Variants in KIAA0825 observed in about 807,000 individuals in gnomAD.
KIAA0825 encodes KIAA0825, also known as uncharacterized protein KIAA0825.
A neutral mutation model predicts 147.6 loss-of-function variants in KIAA0825; 119 were observed. That is an observed-to-expected ratio of 0.81 (90% confidence interval 0.69 to 0.94). KIAA0825 has a LOEUF of 0.94. Among genes scored for constraint, KIAA0825 ranks in the 40% least tolerant of loss-of-function variants. The pLI, the probability that KIAA0825 is intolerant of heterozygous loss-of-function variation, is 0.00. For missense variants in KIAA0825, 1,381 were observed against 1,472.7 expected (o/e 0.94, Z 1.02); for synonymous variants, 470 against 518.1 (o/e 0.91, Z 1.26).
At chr5:94,405,086 A>G (rs1385123463) in intron 15 of KIAA0825, among the ~76,000 whole-genome samples, 1 of 152,226 alleles carries the variant, frequency 6.6e-6, no homozygotes, top group Non-Finnish European at 1.5e-5. Flanking sequence ...AAAGGGGCTC[A>G]GTGAGGGTCC....
At chr5:94,487,327 T>C (rs538037053) in intron 5 of KIAA0825, among the ~76,000 whole-genome samples, 47 of 152,350 alleles carry the variant, frequency 3.1e-4, no homozygotes, top group African/African-American at 1.1e-3. Context: ...TAGCAGTCCT[T>C]ATTTCCTATT....
intron 14 of KIAA0825, among the ~76,000 whole-genome samples, chr5:94,431,108 TA>T (rs1323487302): frequency 6.6e-6 from 1 of 152,050 alleles, no homozygotes; most frequent in Non-Finnish European, 1.5e-5. Context: ...AATCAGAGGA[TA>T]AAAAATGCAT....
chr5:94,398,848 C>T (rs565170462), intron 16 of KIAA0825, among the ~76,000 whole-genome samples: 69 of 152,088 alleles, frequency 4.5e-4, no homozygotes, highest in African/African-American at 1.6e-3. Flanking sequence ...TTTTGCTGAA[C>T]AAAAATAACA....
intron 20 of KIAA0825, among the ~76,000 whole-genome samples, chr5:94,195,679 C>A (rs1771071243): frequency 6.7e-6 from 1 of 150,286 alleles, no homozygotes; most frequent in Non-Finnish European, 1.5e-5. Flanking sequence ...TTAATTTTAT[C>A]CAGTTTGAAA....
At chr5:94,365,078 C>T (rs914853017) in intron 20 of KIAA0825, among the ~76,000 whole-genome samples, 20 of 152,122 alleles carry the variant, frequency 1.3e-4, no homozygotes, top group Admixed American at 9.2e-4. Flanking sequence ...GCTATGTAAA[C>T]GTCACACCTG....
chr5:94,288,765 G>A (rs1279424031), intron 20 of KIAA0825, among the ~76,000 whole-genome samples: 2 of 152,128 alleles, frequency 1.3e-5, no homozygotes, highest in African/African-American at 4.8e-5. Flanking sequence ...GTCAAACAAC[G>A]TGCCAATTCT....
intron 20 of KIAA0825, among the ~76,000 whole-genome samples, chr5:94,196,499 T>C (rs945135614): frequency 6.6e-6 from 1 of 152,046 alleles, no homozygotes; most frequent in African/African-American, 2.4e-5. Flanking sequence ...AGAGGGTACA[T>C]GTGCAGGTTT....
chr5:94,436,733 T>C (rs1756423552), intron 14 of KIAA0825, among the ~76,000 whole-genome samples: 1 of 152,228 alleles, frequency 6.6e-6, no homozygotes, highest in African/African-American at 2.4e-5. Context: ...TTTCACAATA[T>C]TGATTCTTCC....
At chr5:94,207,468 C>G (rs905241883) in intron 20 of KIAA0825, among the ~76,000 whole-genome samples, 1 of 152,146 alleles carries the variant, frequency 6.6e-6, no homozygotes, top group Non-Finnish European at 1.5e-5. Flanking sequence ...ATGCCTACTC[C>G]TCATCAAGAG....
chr5:94,540,014 G>C (rs1772966339), intron 2 of KIAA0825, among the ~76,000 whole-genome samples: 1 of 152,094 alleles, frequency 6.6e-6, no homozygotes, highest in South Asian at 2.1e-4. Flanking sequence ...TGCTGGAAAA[G>C]ACCCCTTTGT....
At chr5:94,172,416 CAG>C (rs908226653) in intron 20 of KIAA0825, among the ~76,000 whole-genome samples, 13 of 152,208 alleles carry the variant, frequency 8.5e-5, no homozygotes, top group African/African-American at 2.2e-4. Context: ...AGATTGACTG[CAG>C]AGAGATCTCA....
intron 20 of KIAA0825, among the ~76,000 whole-genome samples, chr5:94,370,645 G>A (rs183699649): frequency 3.3e-5 from 5 of 152,184 alleles, no homozygotes; most frequent in African/African-American, 9.6e-5. Flanking sequence ...TGTGGCTGAA[G>A]CCTGTAATCC....
intron 20 of KIAA0825, among the ~76,000 whole-genome samples, chr5:94,166,474 A>G (rs1415208871): frequency 4.7e-5 from 7 of 148,656 alleles, no homozygotes; most frequent in Non-Finnish European, 1.0e-4. Flanking sequence ...GGGTAGCCTT[A>G]GGAAATAATT....
chr5:94,282,883 A>T (rs969201952), intron 20 of KIAA0825, among the ~76,000 whole-genome samples: 6 of 152,106 alleles, frequency 3.9e-5, no homozygotes, highest in African/African-American at 1.4e-4. Context: ...ATAAAAATAT[A>T]AAAAGTGCAA....
At position 94,384,389 on chromosome 5, in the gene KIAA0825, A is replaced by C; in HGVS notation, c.3689T>G (p.Phe1230Cys). 6.4e-7 allele frequency: 1 copy of C among 1,551,880 alleles called. No homozygotes were observed. Among genetic ancestry groups the C allele is most frequent in the Non-Finnish European group, 8.7e-7 (1 of 1,146,914 alleles). ...PNYLRLDKMT[F>C]SVLLKNRWEM... ...TTACCTGTTTTTGAGCAGCACACTG[A>C]AGGTCATCTTATCCAGTCTCAGATA... Residue 1230 changes from phenylalanine (F) to cysteine (C), a missense_variant, in exon 20 of 21, where the codon TTC becomes TGC. Phe to Cys is a radical substitution (Grantham distance 205). Coordinates refer to ENST00000682413, the MANE Select transcript of KIAA0825 (RefSeq NM_001145678.3).
chr5:94,349,030 C>G (rs1014542109), intron 20 of KIAA0825, among the ~76,000 whole-genome samples: 22 of 151,950 alleles, frequency 1.4e-4, no homozygotes, highest in Admixed American at 3.9e-4. Flanking sequence ...ACTCACCAAC[C>G]AACTATCTGC....
In KIAA0825 at chr5:94,524,087, C is replaced by T; in HGVS notation, c.143G>A (p.Cys48Tyr). ...IEQNAASIKH[C>Y]IKEIQSEINK... Reference sequence around the variant, plus strand: ...AATTTCGGACTGTATCTCTTTAATGCAATGTTTTATGCTATAAAAAACAGA... The same window carrying T: ...AATTTCGGACTGTATCTCTTTAATGTAATGTTTTATGCTATAAAAAACAGA... Residue 48 changes from cysteine (C) to tyrosine (Y), a missense_variant, in exon 4 of 21, where the codon TGC (cysteine) becomes TAC (tyrosine). Cys to Tyr is a radical substitution (Grantham distance 194). Coordinates refer to ENST00000682413, the MANE Select transcript of KIAA0825 (RefSeq NM_001145678.3). 1.2e-6 allele frequency: 2 copies of T among 1,604,884 alleles called. No homozygotes were observed. Among genetic ancestry groups the T allele is most frequent in the Non-Finnish European group, 1.7e-6 (2 of 1,174,836 alleles).
chr5:94,367,669 T>G (rs1584273042), intron 20 of KIAA0825, among the ~76,000 whole-genome samples: 1 of 152,344 alleles, frequency 6.6e-6, no homozygotes, highest in Non-Finnish European at 1.5e-5. Context: ...TTGGGTTTGA[T>G]GCTACAGACA....
intron 20 of KIAA0825, among the ~76,000 whole-genome samples, chr5:94,175,368 A>C (rs1379728354): frequency 6.6e-6 from 1 of 152,174 alleles, no homozygotes; most frequent in Non-Finnish European, 1.5e-5. Flanking sequence ...GATTACGTCT[A>C]ATAATGTTTT....
Sources: gnomAD v4.1 joint callset for allele counts (sites outside exome capture counted in the v4.1 genomes callset) on GRCh38, gnomAD v4.1.1 for gene constraint, MANE v1.5 for transcripts, NCBI Gene and HGNC (gene_info 2026-07-23, HGNC 2026-07-21) for gene names.